Variants in ART3 observed in about 807,000 individuals in gnomAD.
ART3 encodes ecto-ADP-ribosyltransferase 3.
Under a neutral mutation model 48.5 loss-of-function variants are expected in ART3, and 49 were observed. That is an observed-to-expected ratio of 1.01 (90% CI 0.80 to 1.28). ART3 has a LOEUF of 1.28. ART3 is among the 50% of genes most tolerant of loss of function. The pLI, the probability that ART3 is intolerant of heterozygous loss-of-function variation, is 0.00. For synonymous variants in ART3, 145 were observed against 157.2 expected, an observed-to-expected ratio of 0.92 and a Z score of 0.58; for missense variants, 438 against 454.3, an observed-to-expected ratio of 0.96 and a Z score of 0.33.
intron 1 of ART3, among the ~76,000 whole-genome samples, chr4:76,018,399 C>T (rs771935734): frequency 2.0e-5 from 3 of 152,038 alleles, no homozygotes; most frequent in Non-Finnish European, 4.4e-5. Context: ...TACCCATGGA[C>T]ACAAAGAAGG....
At chr4:76,112,177 C>T (rs899976608) in intron 11 of ART3, among the ~76,000 whole-genome samples, 3 of 152,042 alleles carry the variant, frequency 2.0e-5, no homozygotes, top group East Asian at 1.9e-4. Context: ...CCCCAACACC[C>T]GTATTAAGGG....
In ART3 at chr4:76,082,145, T is replaced by C. The variant is rs1009399106; in HGVS notation, c.391T>C (p.Tyr131His). The C allele has an allele frequency of 6.2e-7, 1 of 1,614,220 alleles. No homozygotes were observed. The change falls in exon 3 of 12, where the codon TAT becomes CAT. Residue 131 changes from tyrosine to histidine, a missense_variant. Physicochemically the swap from Tyr to His is moderately conservative, Grantham distance 83. Around this residue, in one of 3 missense-constraint regions of ART3, gnomAD observed 206 missense variants for 205.3 expected, o/e 1.00. Transcript: ENST00000355810. ...MAGQSREDYI[Y>H]GFQFKAFHFY... ...TGGCCAATCTCGAGAAGATTATATC[T>C]ATGGCTTCCAGTTCAAAGCTTTCCA...
chr4:76,097,386 T>C lies in ART3; in HGVS notation c.782-258T>C, dbSNP rs145129623. Among the ~76,000 whole-genome samples, 720 of 151,520 alleles carry C rather than the reference T, an allele frequency of 4.8e-3. 5 individuals are homozygous for C. Among genetic ancestry groups the C allele is most frequent in the African/African-American group, 0.017 (686 of 41,284 alleles). ...TGCCTGGCTAATTTAAAAAAAAAAA[T>C]TGTAGAAATGGGGTCTCCCTATGTT... On this transcript the variant is annotated intron_variant, in intron 3 of 11. Transcript: ENST00000355810.
chr4:76,071,333 A>C (rs1578410000), upstream of ART3, among the ~76,000 whole-genome samples: 1 of 150,064 alleles, frequency 6.7e-6, no homozygotes, highest in Non-Finnish European at 1.5e-5. Flanking sequence ...GTGCCACTGC[A>C]CTCCAGCCTG....
chr4:76,064,062 AC>A, intron 1 of ART3, among the ~76,000 whole-genome samples: 1 of 152,346 alleles, frequency 6.6e-6, no homozygotes, highest in East Asian at 1.9e-4. Context: ...ACTGTAGAGT[AC>A]AAGAAATGGA....
intron 1 of ART3, among the ~76,000 whole-genome samples, chr4:76,066,814 T>C (rs73825731): frequency 0.026 from 3,970 of 152,256 alleles, 167 homozygotes; most frequent in African/African-American, 0.088. Flanking sequence ...CTCTGCCTCC[T>C]ACTACTCATG....
intron 8 of ART3, among the ~76,000 whole-genome samples, chr4:76,101,923 T>C (rs1326871649): frequency 6.6e-6 from 1 of 152,242 alleles, no homozygotes; most frequent in Non-Finnish European, 1.5e-5. Context: ...TTTGGATATT[T>C]GTCCCAAGGA....
At chr4:76,109,511 G>C (rs1729077574) in intron 11 of ART3, among the ~76,000 whole-genome samples, 1 of 151,910 alleles carries the variant, frequency 6.6e-6, no homozygotes, top group African/African-American at 2.4e-5. Flanking sequence ...CTAAAATAAT[G>C]ATTAAAAGTA....
At chr4:76,018,274 T>C (rs1460586175) in intron 1 of ART3, among the ~76,000 whole-genome samples, 1 of 152,182 alleles carries the variant, frequency 6.6e-6, no homozygotes, top group Non-Finnish European at 1.5e-5. Context: ...AACAAAATCA[T>C]GTCCTTTGCA....
intron 1 of ART3, among the ~76,000 whole-genome samples, chr4:76,064,978 C>T (rs565159358): frequency 2.0e-5 from 3 of 152,118 alleles, no homozygotes; most frequent in South Asian, 4.2e-4. Flanking sequence ...ATTACAGGCA[C>T]CTGCCACCAT....
At chr4:76,040,452 A>ACGCGCG (rs938859813) in intron 1 of ART3, among the ~76,000 whole-genome samples, 1 of 36,280 alleles carries the variant, frequency 2.8e-5, no homozygotes, top group African/African-American at 1.4e-4. Flanking sequence ...ACACACACAC[A>ACGCGCG]CACACACACA....
At chr4:76,069,565 T>A (rs1720110248) in intron 1 of ART3, among the ~76,000 whole-genome samples, 1 of 151,884 alleles carries the variant, frequency 6.6e-6, no homozygotes, top group South Asian at 2.1e-4. Flanking sequence ...AATTTTTGTA[T>A]TTTTAGTAGA....
intron 1 of ART3, chr4:76,036,094 A>G (rs1019006971): frequency 1.0e-6 from 1 of 993,274 alleles, no homozygotes; most frequent in African/African-American, 1.6e-5. Context: ...GATAATTGGC[A>G]TATATAGAGC....
At chr4:76,015,996 G>C (rs1732217842) in intron 1 of ART3, among the ~76,000 whole-genome samples, 1 of 152,190 alleles carries the variant, frequency 6.6e-6, no homozygotes. Context: ...ATTCATGAGA[G>C]ATATTGGCCT....
intron 2 of ART3, among the ~76,000 whole-genome samples, chr4:76,076,280 A>C (rs1359753869): frequency 6.6e-6 from 1 of 152,122 alleles, no homozygotes; most frequent in Non-Finnish European, 1.5e-5. Flanking sequence ...CTGGGATTAC[A>C]GGCGTGAGCC....
intron 1 of ART3, among the ~76,000 whole-genome samples, chr4:76,031,203 T>G (rs6856958): frequency 0.61 from 92,897 of 151,942 alleles, 29,479 homozygotes; most frequent in East Asian, 0.94. Context: ...TAGTATTTTT[T>G]CATTGTATTT....
At chr4:76,048,379 A>G (rs1460688297) in intron 1 of ART3, among the ~76,000 whole-genome samples, 1 of 151,854 alleles carries the variant, frequency 6.6e-6, no homozygotes, top group Non-Finnish European at 1.5e-5. Context: ...GTAGAAAAAA[A>G]TGAGCCATCT....
chr4:76,061,845 C>T (rs949993554), intron 1 of ART3, among the ~76,000 whole-genome samples: 1 of 152,126 alleles, frequency 6.6e-6, no homozygotes, highest in Non-Finnish European at 1.5e-5. Context: ...TAGTTAGGGG[C>T]TCAGTAAATG....
At chr4:76,069,386 C>CTTTTTTTT (rs34858048) in intron 1 of ART3, among the ~76,000 whole-genome samples, 5 of 110,126 alleles carry the variant, frequency 4.5e-5, no homozygotes, top group Non-Finnish European at 5.4e-5. Context: ...TACTTAATTC[C>CTTTTTTTT]TTTTTTTTTT....
Sources: allele counts gnomAD v4.1 joint callset (sites outside exome capture counted in the v4.1 genomes callset), GRCh38; gene constraint gnomAD v4.1.1; regional missense constraint gnomAD v4.1.1; transcripts MANE v1.5; gene names NCBI Gene and HGNC (gene_info 2026-07-23, HGNC 2026-07-21).